APBB2: variants seen among roughly 807,000 people sequenced by gnomAD.
The protein encoded by APBB2 is amyloid beta precursor protein binding family B member 2.
A neutral mutation model predicts 82.5 loss-of-function variants in APBB2; 38 were observed. The ratio of observed to expected loss-of-function variants is 0.46; its 90% confidence interval spans 0.36 to 0.60. APBB2 has a LOEUF of 0.60. Among genes scored for constraint, APBB2 ranks in the 20% least tolerant of loss-of-function variants. APBB2 has a pLI of 0.00. For missense variants in APBB2, 772 were observed against 972.3 expected (o/e 0.79, Z 2.74); for synonymous variants, 341 against 368.2 (o/e 0.93, Z 0.85).
chr4:41,083,916 A>T (rs1738662789), intron 3 of APBB2, among the ~76,000 whole-genome samples: 1 of 152,146 alleles, frequency 6.6e-6, no homozygotes. Flanking sequence ...AATAATAAAA[A>T]TTAAAATGCT....
chr4:40,825,970 A>G lies in APBB2; in HGVS notation c.1733T>C (p.Val578Ala). Reference sequence around the variant, plus strand: ...CTCAGTCTTTGGTGTTGGAAAATCTACTACAGGGAACAAAAGCAACACATC... The same window carrying G: ...CTCAGTCTTTGGTGTTGGAAAATCTGCTACAGGGAACAAAAGCAACACATC... ...ANVNLDVPLQ[V>A]DFPTPKTELV... Residue 578 changes from valine to alanine, a missense_variant and splice_region_variant, in exon 15 of 18, where the codon GTA (valine) becomes GCA (alanine). Transcript: ENST00000508593. The G allele has an allele frequency of 6.2e-7, 1 of 1,613,222 alleles. No homozygotes were observed. Among genetic ancestry groups the G allele is most frequent in the Non-Finnish European group, 8.5e-7 (1 of 1,179,164 alleles).
intron 4 of APBB2, among the ~76,000 whole-genome samples, chr4:41,048,829 C>T (rs975749087): frequency 2.6e-5 from 4 of 152,178 alleles, no homozygotes; most frequent in African/African-American, 7.2e-5. Flanking sequence ...CGCGCTGCCA[C>T]GCCGGACTAG....
chr4:41,011,171 A>C (rs114173651), intron 6 of APBB2, among the ~76,000 whole-genome samples: 3,361 of 151,038 alleles, frequency 0.022, 127 homozygotes, highest in African/African-American at 0.078. Flanking sequence ...ATTTTAATTT[A>C]ATTTAATTTT....
At chr4:40,907,671 CTTT>C (rs34413606) in intron 10 of APBB2, among the ~76,000 whole-genome samples, 4,532 of 94,848 alleles carry the variant, frequency 0.048, 233 homozygotes, top group African/African-American at 0.14. Context: ...GTGCCTGACC[CTTT>C]TTTTTTTTTT....
chr4:40,950,842 C>CA (rs1355212429), intron 6 of APBB2, among the ~76,000 whole-genome samples: 369 of 136,982 alleles, frequency 2.7e-3, no homozygotes, highest in Non-Finnish European at 4.4e-3. Context: ...GACTCCGTCT[C>CA]AAAAAAAAAA....
At chr4:41,098,099 T>C (rs901104738) in intron 3 of APBB2, among the ~76,000 whole-genome samples, 1 of 151,814 alleles carries the variant, frequency 6.6e-6, no homozygotes, top group African/African-American at 2.4e-5. Context: ...TTCTGCATTA[T>C]AACCTTCTCT....
At chr4:40,918,404 C>A (rs530877754) in intron 10 of APBB2, among the ~76,000 whole-genome samples, 111 of 152,328 alleles carry the variant, frequency 7.3e-4, no homozygotes, top group African/African-American at 2.5e-3. Flanking sequence ...CAATTTTGTC[C>A]CCAGTATTAA....
chr4:40,871,997 T>C (rs146221426), intron 12 of APBB2, among the ~76,000 whole-genome samples: 28 of 152,336 alleles, frequency 1.8e-4, no homozygotes, highest in African/African-American at 6.3e-4. Context: ...CATGGTGTGC[T>C]GTGAAGATTC....
At chr4:41,129,617 G>GT (rs903809846) in intron 2 of APBB2, among the ~76,000 whole-genome samples, 19 of 152,072 alleles carry the variant, frequency 1.2e-4, no homozygotes, top group African/African-American at 4.3e-4. Context: ...TGCTTTGTTT[G>GT]TTTTTAATTT....
chr4:41,051,443 C>T (rs1054024223), intron 4 of APBB2, among the ~76,000 whole-genome samples: 25 of 152,296 alleles, frequency 1.6e-4, no homozygotes, highest in African/African-American at 6.0e-4. Context: ...GAAAACAGGG[C>T]TCTGTAAAAA....
At chr4:40,817,390 C>G (rs368747915) in intron 17 of APBB2, among the ~76,000 whole-genome samples, 2 of 151,922 alleles carry the variant, frequency 1.3e-5, no homozygotes, top group Admixed American at 6.6e-5. Flanking sequence ...GCCTGGGCGA[C>G]GGAGTGAACC....
chr4:40,857,759 C>T (rs1761745179), intron 12 of APBB2, among the ~76,000 whole-genome samples: 3 of 150,690 alleles, frequency 2.0e-5, no homozygotes, highest in African/African-American at 7.3e-5. Flanking sequence ...GGTGAGCCAC[C>T]GCACCAGGCT....
intron 10 of APBB2, among the ~76,000 whole-genome samples, chr4:40,918,696 G>A (rs899342671): frequency 3.3e-5 from 5 of 149,310 alleles, no homozygotes; most frequent in Admixed American, 2.0e-4. Flanking sequence ...TCCTTCTTTC[G>A]GACGACTTCC....
intron 12 of APBB2, among the ~76,000 whole-genome samples, chr4:40,846,018 GTGTGTGT>G (rs1560682917): frequency 9.6e-3 from 31 of 3,214 alleles, no homozygotes; most frequent in South Asian, 0.026. Context: ...TGAGTGGGGT[GTGTGTGT>G]GTGTGTGTGT....
chr4:41,120,468 C>T (rs1305735006), intron 2 of APBB2, among the ~76,000 whole-genome samples: 1 of 152,166 alleles, frequency 6.6e-6, no homozygotes, highest in Non-Finnish European at 1.5e-5. Flanking sequence ...AAAAACAGAC[C>T]TCGTTCCAGT....
At chr4:40,858,055 T>C (rs905091988) in intron 12 of APBB2, among the ~76,000 whole-genome samples, 2 of 152,116 alleles carry the variant, frequency 1.3e-5, no homozygotes, top group African/African-American at 4.8e-5. Context: ...CTTTTGTTTA[T>C]AGCTGACTTG....
intron 2 of APBB2, among the ~76,000 whole-genome samples, chr4:41,104,695 T>C (rs899702489): frequency 6.6e-6 from 1 of 152,176 alleles, no homozygotes; most frequent in African/African-American, 2.4e-5. Context: ...TGTTTCCATC[T>C]TTGTGTCCAT....
At chr4:40,993,365 T>C (rs958533084) in intron 6 of APBB2, among the ~76,000 whole-genome samples, 26 of 148,910 alleles carry the variant, frequency 1.7e-4, no homozygotes, top group Admixed American at 4.7e-4. Context: ...TTCTCTCTTT[T>C]TTTTTTTTTT....
chr4:41,158,719 G>A (rs1332696758), intron 1 of APBB2, among the ~76,000 whole-genome samples: 5 of 152,108 alleles, frequency 3.3e-5, no homozygotes, highest in African/African-American at 1.2e-4. Flanking sequence ...CTTTTAGCAG[G>A]ATTTTTTTTG....
Sources: allele counts gnomAD v4.1 joint callset (sites outside exome capture counted in the v4.1 genomes callset), GRCh38; gene constraint gnomAD v4.1.1; transcripts MANE v1.5; gene names NCBI Gene and HGNC (gene_info 2026-07-23, HGNC 2026-07-21).